Variants in SKAP2 observed in about 807,000 individuals in gnomAD.
SKAP2 encodes the protein src kinase-associated phosphoprotein 2.
Under a neutral mutation model 54.9 loss-of-function variants are expected in SKAP2, and 28 were observed. The ratio of observed to expected loss-of-function variants is 0.51; its 90% CI spans 0.38 to 0.70. SKAP2 has a LOEUF of 0.70. Among genes scored for constraint, SKAP2 ranks in the 30% least tolerant of loss-of-function variants. The pLI is 0.00. For synonymous variants in SKAP2, 137 were observed against 134.3 expected (o/e 1.02, Z -0.14); for missense variants, 356 against 424.1 (o/e 0.84, Z 1.41).
intron 9 of SKAP2, among the ~76,000 whole-genome samples, chr7:26,721,934 T>C (rs1267946103): frequency 6.6e-6 from 1 of 152,160 alleles, no homozygotes; most frequent in Admixed American, 6.5e-5. Flanking sequence ...AAGTGAGCAA[T>C]AAATTTACAA....
At chr7:26,728,652 A>G (rs1413363998) in intron 6 of SKAP2, among the ~76,000 whole-genome samples, 1 of 152,298 alleles carries the variant, frequency 6.6e-6, no homozygotes, top group East Asian at 1.9e-4. Context: ...TTGCCGAGAT[A>G]AAAGCTAGAA....
chr7:26,815,874 A>G (rs1203415775), intron 4 of SKAP2, among the ~76,000 whole-genome samples: 1 of 152,144 alleles, frequency 6.6e-6, no homozygotes, highest in East Asian at 1.9e-4. Flanking sequence ...CTAGTCAATT[A>G]TATTGATAAC....
At chr7:26,696,303 T>C (rs977983557) in intron 9 of SKAP2, among the ~76,000 whole-genome samples, 4 of 152,330 alleles carry the variant, frequency 2.6e-5, no homozygotes, top group East Asian at 1.9e-4. Flanking sequence ...AGGATAAAGA[T>C]GACTGAAATA....
At chr7:26,799,992 G>C (rs1448441912) in intron 4 of SKAP2, among the ~76,000 whole-genome samples, 1 of 144,782 alleles carries the variant, frequency 6.9e-6, no homozygotes, top group South Asian at 2.2e-4. Flanking sequence ...TTTGTGGTGG[G>C]GGGTGTCTGT....
intron 4 of SKAP2, among the ~76,000 whole-genome samples, chr7:26,757,453 T>C (rs1209824500): frequency 6.6e-6 from 1 of 152,206 alleles, no homozygotes; most frequent in Non-Finnish European, 1.5e-5. Context: ...TTCTTGTTTT[T>C]GTCAGGTTTG....
intron 4 of SKAP2, among the ~76,000 whole-genome samples, chr7:26,808,241 G>A (rs1267317683): frequency 6.6e-6 from 1 of 151,862 alleles, no homozygotes; most frequent in East Asian, 1.9e-4. Context: ...ACAGATGAAT[G>A]GATAAATTTT....
chr7:26,742,432 A>G (rs928294741), intron 4 of SKAP2: 2 of 152,166 alleles, frequency 1.3e-5, no homozygotes, highest in African/African-American at 4.8e-5. Context: ...GAAGTGGGGG[A>G]AAAGGAAAAG....
chr7:26,736,832 T>C (rs543839668), intron 6 of SKAP2, among the ~76,000 whole-genome samples: 6 of 151,914 alleles, frequency 3.9e-5, no homozygotes, highest in South Asian at 2.1e-4. Context: ...GAATTCAAGA[T>C]TGCAGTAAGC....
intron 11 of SKAP2, among the ~76,000 whole-genome samples, chr7:26,677,689 C>G (rs1786381126): frequency 1.3e-5 from 2 of 152,148 alleles, no homozygotes; most frequent in African/African-American, 4.8e-5. Flanking sequence ...ACACTGATAC[C>G]CTACATTGTG....
chr7:26,677,322 G>GCATTCAGAGGCATT (rs1328046049), intron 11 of SKAP2, among the ~76,000 whole-genome samples: 3 of 151,084 alleles, frequency 2.0e-5, no homozygotes, highest in African/African-American at 7.3e-5. Flanking sequence ...AACCCGGGAG[G>GCATTCAGAGGCATT]CAGAGGTTGC....
intron 9 of SKAP2, among the ~76,000 whole-genome samples, chr7:26,722,894 C>T (rs1787609595): frequency 6.6e-6 from 1 of 152,196 alleles, no homozygotes; most frequent in Admixed American, 6.5e-5. Context: ...TTGTATACCT[C>T]ATCTTTCAAC....
At chr7:26,700,159 CAATT>C (rs1786991305) in intron 9 of SKAP2, among the ~76,000 whole-genome samples, 1 of 152,094 alleles carries the variant, frequency 6.6e-6, no homozygotes, top group Admixed American at 6.5e-5. Flanking sequence ...TTCATAAAAT[CAATT>C]AATTAGCACT....
intron 9 of SKAP2, among the ~76,000 whole-genome samples, chr7:26,693,695 G>A (rs188784299): frequency 2.0e-5 from 3 of 152,244 alleles, no homozygotes; most frequent in African/African-American, 7.2e-5. Context: ...AGGATGAGAT[G>A]CTCATTAAGG....
At chr7:26,791,627 G>A (rs973566291) in intron 4 of SKAP2, among the ~76,000 whole-genome samples, 1 of 152,096 alleles carries the variant, frequency 6.6e-6, no homozygotes. Flanking sequence ...AGAATTCTAG[G>A]ATTAAAATAG....
At chr7:26,747,337 T>A (rs1014562265) in intron 4 of SKAP2, among the ~76,000 whole-genome samples, 1 of 152,098 alleles carries the variant, frequency 6.6e-6, no homozygotes, top group East Asian at 1.9e-4. Flanking sequence ...AGTAGAACCA[T>A]AGAATTCTCA....
intron 9 of SKAP2, among the ~76,000 whole-genome samples, chr7:26,700,151 C>T (rs1786991242): frequency 6.6e-6 from 1 of 152,124 alleles, no homozygotes; most frequent in African/African-American, 2.4e-5. Flanking sequence ...CTAAGGTATT[C>T]ATAAAATCAA....
At chr7:26,760,996 G>C (rs900325838) in intron 4 of SKAP2, among the ~76,000 whole-genome samples, 2 of 152,222 alleles carry the variant, frequency 1.3e-5, no homozygotes, top group Non-Finnish European at 2.9e-5. Flanking sequence ...AGGATATAGT[G>C]ATCTTGTTGG....
At position 26,796,210 on chromosome 7, in the gene SKAP2, T is replaced by G. The variant is rs2391361; in HGVS notation, c.307+47820A>C. ...AATGTAAACAAATGATAATGTAGTA[T>G]TAAATCATAACTGCATAAAATTAAC... On this transcript the variant is annotated intron_variant, in intron 4 of 12. Transcript: ENST00000345317. Among the ~76,000 whole-genome samples the G allele has an allele frequency of 1.1e-4, 16 of 152,340 alleles. No homozygotes were observed. The South Asian group carries it at 3.3e-3, about 32-fold the overall frequency.
chr7:26,743,211 A>G (rs1236602791), intron 4 of SKAP2, among the ~76,000 whole-genome samples: 5 of 152,156 alleles, frequency 3.3e-5, no homozygotes, highest in Admixed American at 2.6e-4. Flanking sequence ...CCTAAAAAAA[A>G]GTTTTGCACT....
Sources: gnomAD v4.1 joint callset for allele counts (sites outside exome capture counted in the v4.1 genomes callset) on GRCh38, gnomAD v4.1.1 for gene constraint, MANE v1.5 for transcripts, NCBI Gene and HGNC (gene_info 2026-07-23, HGNC 2026-07-21) for gene names.